Variants in SLC3A1 observed in about 807,000 individuals in gnomAD.
The protein encoded by SLC3A1 is amino acid transporter heavy chain SLC3A1.
Under a neutral mutation model 60.3 loss-of-function variants are expected in SLC3A1, and 78 were observed. The ratio of observed to expected loss-of-function variants is 1.29; its 90% CI spans 1.08 to 1.56. The LOEUF (loss-of-function observed/expected upper bound fraction) is 1.56, where lower values mean the gene tolerates loss of function less well. Among genes scored for constraint, SLC3A1 ranks in the 40% most tolerant of loss-of-function variants. The probability of loss-of-function intolerance (pLI) is 0.00; values close to 1 mark genes in which losing one functional copy is unlikely to be tolerated. For missense variants in SLC3A1, 1,172 were observed against 858.9 expected (o/e 1.36, Z -4.56); for synonymous variants, 392 against 307.9 (o/e 1.27, Z -2.86).
At chr2:44,311,918 T>C (rs908222348) in intron 7 of SLC3A1, among the ~76,000 whole-genome samples, 15 of 152,072 alleles carry the variant, frequency 9.9e-5, no homozygotes, top group African/African-American at 1.4e-4. Flanking sequence ...GAAATATAGG[T>C]GTGAAAGTAC....
Position 44,312,600 on chromosome 2 carries a change from C to G in SLC3A1, c.1347C>G (p.Asp449Glu), listed in dbSNP as rs759488409. Residue 449 changes from aspartate (D) to glutamate (E), a missense_variant, in exon 8 of 10, where the codon GAC (aspartate) becomes GAG (glutamate). By Grantham distance (45) the Asp-to-Glu change is conservative. Transcript: ENST00000260649. ...CTGCCTTTCAGATTGGTGGACCAGACAGTTCACGGCTGACTTCGCGTTTGG... is the reference window on the plus strand; with the variant it reads ...CTGCCTTTCAGATTGGTGGACCAGAGAGTTCACGGCTGACTTCGCGTTTGG... The part of the protein sequence containing the change: ...KWPNWMIGGP[D>E]SSRLTSRLGN... The G allele has an allele frequency of 3.7e-6, 6 of 1,613,774 alleles. No homozygotes were observed. Among genetic ancestry groups the G allele is most frequent in the South Asian group, 2.2e-5 (2 of 91,082 alleles).
chr2:44,286,850 C>T (rs527377657), intron 4 of SLC3A1, among the ~76,000 whole-genome samples: 2 of 151,980 alleles, frequency 1.3e-5, no homozygotes, highest in Admixed American at 6.6e-5. Context: ...GTGAGCTGTG[C>T]GGTGTCTGTG....
intron 6 of SLC3A1, chr2:44,303,896 C>T (rs1672082841): frequency 1.7e-6 from 1 of 598,034 alleles, no homozygotes; most frequent in Non-Finnish European, 3.0e-6. Flanking sequence ...CATGTCCCTG[C>T]AAAGGACATG....
chr2:44,302,724 C>T (rs748434625), intron 6 of SLC3A1, among the ~76,000 whole-genome samples: 2 of 152,184 alleles, frequency 1.3e-5, no homozygotes, highest in Non-Finnish European at 2.9e-5. Context: ...GACTCCAATA[C>T]AAGGGGGAAG....
chr2:44,309,190 C>T (rs1253799423), intron 7 of SLC3A1, among the ~76,000 whole-genome samples: 2 of 152,200 alleles, frequency 1.3e-5, no homozygotes, highest in Non-Finnish European at 2.9e-5. Flanking sequence ...AACAGAAAAT[C>T]TGTACCCACT....
chr2:44,318,077 T>G (rs944774786), intron 9 of SLC3A1: 2 of 441,718 alleles, frequency 4.5e-6, no homozygotes, highest in African/African-American at 4.3e-5. Context: ...ACAATAATAC[T>G]TAAAGGATCT....
chr2:44,292,250 C>G (rs148692671), intron 4 of SLC3A1, among the ~76,000 whole-genome samples: 15 of 152,218 alleles, frequency 9.9e-5, no homozygotes, highest in Admixed American at 3.3e-4. Context: ...GAACCCAGAG[C>G]ACAGGCGTAG....
intron 7 of SLC3A1, among the ~76,000 whole-genome samples, chr2:44,307,289 G>T (rs1160130368): frequency 6.6e-6 from 1 of 152,180 alleles, no homozygotes; most frequent in East Asian, 1.9e-4. Flanking sequence ...GAATAGTGAT[G>T]CTATGGACAT....
chr2:44,304,410 A>G, intron 7 of SLC3A1, 72 bp downstream of exon 7: 1 of 1,190,582 alleles, frequency 8.4e-7, no homozygotes, highest in Non-Finnish European at 1.2e-6. Context: ...TCTAAAATGC[A>G]ATGGACCTTT....
chr2:44,301,156 T>C, intron 6 of SLC3A1, 29 bp downstream of exon 6: 1 of 1,614,062 alleles, frequency 6.2e-7, no homozygotes, highest in South Asian at 1.1e-5. Flanking sequence ...TCTCATTTCT[T>C]CCCAGGCTTA....
chr2:44,291,393 A>T (rs915110749), intron 4 of SLC3A1, among the ~76,000 whole-genome samples: 2 of 152,170 alleles, frequency 1.3e-5, no homozygotes, highest in South Asian at 2.1e-4. Context: ...TGACTAACCC[A>T]GCTGTGCTCT....
intron 4 of SLC3A1, among the ~76,000 whole-genome samples, chr2:44,287,004 G>C (rs571297685): frequency 6.6e-6 from 1 of 152,160 alleles, no homozygotes; most frequent in African/African-American, 2.4e-5. Context: ...TCATAGGGCT[G>C]TTTGGAAGAT....
intron 7 of SLC3A1, among the ~76,000 whole-genome samples, chr2:44,305,597 T>A (rs964300517): frequency 9.9e-5 from 15 of 152,026 alleles, no homozygotes; most frequent in Non-Finnish European, 2.1e-4. Flanking sequence ...CTGGCTAATT[T>A]TTTTATTTTT....
chr2:44,307,762 C>T (rs781440221), intron 7 of SLC3A1, among the ~76,000 whole-genome samples: 1 of 152,078 alleles, frequency 6.6e-6, no homozygotes, highest in Non-Finnish European at 1.5e-5. Context: ...CAAGTATTTT[C>T]TCCCATTCTG....
At position 44,275,490 on chromosome 2, in the gene SLC3A1, C is replaced by T; in HGVS notation, c.-46C>T. Reference sequence around the variant, plus strand: ...AGCATTCAGCAAGCCACTCTTCCACCTCCCTTACTGCAGGAAGGCACTCCG... The same window carrying T: ...AGCATTCAGCAAGCCACTCTTCCACTTCCCTTACTGCAGGAAGGCACTCCG... On this transcript the variant is annotated 5_prime_UTR_variant, in exon 1 of 10. Coordinates refer to ENST00000260649, the MANE Select transcript of SLC3A1 (RefSeq NM_000341.4). 1 of 1,504,784 alleles carries T rather than the reference C, an allele frequency of 6.6e-7. No individual in the cohort carries two copies. Among genetic ancestry groups the T allele is most frequent in the Non-Finnish European group, 9.2e-7 (1 of 1,085,098 alleles). 93.2% of individuals were successfully genotyped at this position (1,504,784 alleles called of 1,614,324 possible).
At position 44,301,075 on chromosome 2, in the gene SLC3A1, C is replaced by G. The variant is rs375399468; in HGVS notation, c.1084C>G (p.Arg362Gly). 1 of 1,614,102 alleles carries G rather than the reference C, an allele frequency of 6.2e-7. No individual in the cohort carries two copies. Among genetic ancestry groups the G allele is most frequent in the East Asian group, 2.2e-5 (1 of 44,880 alleles). The change falls in exon 6 of 10, where the codon CGC becomes GGC. Residue 362 changes from arginine to glycine, a missense_variant. Transcript: ENST00000260649. The part of the protein sequence containing the change: ...TTQVGMHDIV[R>G]SFRQTMDQYS... The stretch of plus-strand genomic sequence containing the variant: ...GCAGGTGGGAATGCACGACATTGTC[C>G]GCAGCTTCCGGCAGACCATGGACCA...
At chr2:44,306,953 A>G (rs991233474) in intron 7 of SLC3A1, among the ~76,000 whole-genome samples, 6 of 152,146 alleles carry the variant, frequency 3.9e-5, no homozygotes, top group Non-Finnish European at 7.3e-5. Context: ...GAGCATTTTC[A>G]TCACCCCCAA....
intron 7 of SLC3A1, among the ~76,000 whole-genome samples, chr2:44,308,845 G>T (rs141567606): frequency 1.3e-5 from 2 of 151,778 alleles, no homozygotes; most frequent in African/African-American, 4.8e-5. Flanking sequence ...CCATTCTCCT[G>T]TATCAGCCTC....
chr2:44,279,108 C>T (rs749868963), intron 1 of SLC3A1, among the ~76,000 whole-genome samples: 2 of 152,056 alleles, frequency 1.3e-5, no homozygotes, highest in African/African-American at 2.4e-5. Context: ...AAGCAATTCT[C>T]CTGCCTCAGC....
Sources: gnomAD v4.1 joint callset for allele counts (sites outside exome capture counted in the v4.1 genomes callset) on GRCh38, gnomAD v4.1.1 for gene constraint, MANE v1.5 for transcripts, NCBI Gene and HGNC (gene_info 2026-07-23, HGNC 2026-07-21) for gene names.